The following STIM2 variants were observed in gnomAD, a reference collection of about 807,000 sequenced individuals.
STIM2 encodes stromal interaction molecule 2.
STIM2 carries 31 observed loss-of-function variants against 85.8 expected under a neutral mutation model. The observed-to-expected ratio is 0.36, with a 90% confidence interval of 0.27 to 0.49. The LOEUF (loss-of-function observed/expected upper bound fraction) is 0.49. STIM2 is among the 20% of genes least tolerant of loss of function. The pLI is 0.98. For synonymous variants in STIM2, 356 were observed against 331.1 expected, an observed-to-expected ratio of 1.08 and a Z score of -0.82; for missense variants, 841 against 927.6, an observed-to-expected ratio of 0.91 and a Z score of 1.21.
At chr4:26,894,391 TTC>T (rs1389128394) in intron 1 of STIM2, among the ~76,000 whole-genome samples, 1 of 152,218 alleles carries the variant, frequency 6.6e-6, no homozygotes. Flanking sequence ...TCCTTTTCTA[TTC>T]TGTCTTTTAT....
At chr4:26,971,189 A>G (rs1318026256) in intron 3 of STIM2, among the ~76,000 whole-genome samples, 1 of 152,086 alleles carries the variant, frequency 6.6e-6, no homozygotes, top group African/African-American at 2.4e-5. Flanking sequence ...CTCATTTTGT[A>G]GGTTACCTGT....
intron 4 of STIM2, among the ~76,000 whole-genome samples, chr4:26,998,399 T>C (rs1728033103): frequency 6.6e-6 from 1 of 152,194 alleles, no homozygotes; most frequent in African/African-American, 2.4e-5. Flanking sequence ...TATTTCCCAC[T>C]TGTGACTTCA....
At chr4:26,902,161 T>A (rs1723947904) in intron 1 of STIM2, among the ~76,000 whole-genome samples, 1 of 152,090 alleles carries the variant, frequency 6.6e-6, no homozygotes, top group South Asian at 2.1e-4. Flanking sequence ...CAATGTAGCG[T>A]GGTGGTGCTA....
At chr4:26,917,928 A>C (rs1724647419) in intron 1 of STIM2, among the ~76,000 whole-genome samples, 1 of 152,166 alleles carries the variant, frequency 6.6e-6, no homozygotes, top group Non-Finnish European at 1.5e-5. Context: ...ACTTACGGGC[A>C]CATCAGGGTC....
chr4:27,008,211 A>G (rs906010802), intron 8 of STIM2, among the ~76,000 whole-genome samples: 1 of 152,196 alleles, frequency 6.6e-6, no homozygotes, highest in Non-Finnish European at 1.5e-5. Flanking sequence ...ATTCTCCAGA[A>G]TAAAGTTTTG....
In STIM2 at chr4:26,995,387, T is replaced by C; in HGVS notation, c.406T>C (p.Trp136Arg). The C allele has an allele frequency of 6.4e-7, 1 of 1,573,134 alleles. No individual in the cohort carries two copies. Among genetic ancestry groups the C allele is most frequent in the East Asian group, 2.4e-5 (1 of 42,304 alleles). Reference sequence around the variant, plus strand: ...CCTTTTATCTCCTGCAGTTCATAATTGGACCCTTGAAGACACTCTTCAGTG... The same window carrying C: ...CCTTTTATCTCCTGCAGTTCATAATCGGACCCTTGAAGACACTCTTCAGTG... Residue 136 changes from tryptophan (W) to arginine (R), a missense_variant, in exon 4 of 12, where the codon TGG becomes CGG. This residue lies in a region of STIM2 where 408 missense variants were observed against 525.4 expected (regional missense o/e 0.78). Coordinates refer to ENST00000467087, the MANE Select transcript of STIM2 (RefSeq NM_020860.4).
intron 1 of STIM2, chr4:26,873,666 A>G (rs1722711392): frequency 2.9e-6 from 2 of 698,876 alleles, no homozygotes; most frequent in Admixed American, 1.9e-5. Context: ...CGCTCATGTC[A>G]CCACTCTCTT....
chr4:27,017,779 G>T lies in STIM2; in HGVS notation c.1558G>T (p.Val520Leu). The T allele has an allele frequency of 1.2e-6, 2 of 1,614,082 alleles. No homozygotes were observed. Among genetic ancestry groups the T allele is most frequent in the Non-Finnish European group, 1.7e-6 (2 of 1,180,020 alleles). The change falls in exon 11 of 12, where the codon GTG becomes TTG. Residue 520 changes from valine to leucine, a missense_variant. Physicochemically the swap from Val to Leu is conservative, Grantham distance 32. Coordinates refer to ENST00000467087, the MANE Select transcript of STIM2 (RefSeq NM_020860.4). ...CCTGTGCCGTTCACGCCGCAGCATT[G>T]TGCCGTCCTCGCCTCAGCCTCAGCG...
At chr4:26,862,124 C>CT (rs971322119) in intron 1 of STIM2, among the ~76,000 whole-genome samples, 43 of 151,948 alleles carry the variant, frequency 2.8e-4, no homozygotes, top group African/African-American at 7.2e-4. Flanking sequence ...GCACTAGCAC[C>CT]TTTTTTTTAA....
rs1728446364 is a variant in STIM2 at position 27,008,483 on chromosome 4, A to G, written c.1205A>G (p.His402Arg). 1.2e-6 allele frequency: 2 copies of G among 1,605,020 alleles called. No homozygotes were observed. Among genetic ancestry groups the G allele is most frequent in the East Asian group, 4.5e-5 (2 of 44,518 alleles). ...GTCTTTGGGACTCTGCACGTTGCAC[A>G]CAGCTCCTCCCTAGATGAGGTAGAC... The change falls in exon 9 of 12, where the codon CAC (histidine) becomes CGC (arginine). Residue 402 changes from histidine (H) to arginine (R), a missense_variant. Around this residue, in one of 3 missense-constraint regions of STIM2, gnomAD observed 408 missense variants for 525.4 expected, o/e 0.78. Transcript: ENST00000467087.
At chr4:26,986,735 C>CT (rs1348722436) in intron 3 of STIM2, among the ~76,000 whole-genome samples, 4 of 152,192 alleles carry the variant, frequency 2.6e-5, no homozygotes, top group African/African-American at 7.2e-5. Context: ...ACCAGTGCTG[C>CT]TTTAAAGTGA....
intron 2 of STIM2, among the ~76,000 whole-genome samples, chr4:26,957,039 T>C (rs1384176253): frequency 6.6e-6 from 1 of 152,118 alleles, no homozygotes; most frequent in Non-Finnish European, 1.5e-5. Context: ...GGACTCCCTC[T>C]TCCCCTGCGG....
At chr4:26,884,583 T>A (rs1723139553) in intron 1 of STIM2, among the ~76,000 whole-genome samples, 2 of 152,236 alleles carry the variant, frequency 1.3e-5, no homozygotes, top group South Asian at 4.1e-4. Context: ...GGAAATTGTG[T>A]CGTTGTATAG....
chr4:26,938,429 T>C lies in STIM2; in HGVS notation c.282+18795T>C, dbSNP rs563350780. Reference sequence around the variant, plus strand: ...ATAATACTGTATCATATATTTGAACTTTGCTAGGAGAGTAGATCTTTTGTG... The same window carrying C: ...ATAATACTGTATCATATATTTGAACCTTGCTAGGAGAGTAGATCTTTTGTG... On this transcript the variant is annotated intron_variant, in intron 2 of 11. Coordinates refer to ENST00000467087, the MANE Select transcript of STIM2 (RefSeq NM_020860.4). Among the ~76,000 whole-genome samples the C allele has an allele frequency of 1.9e-3, 290 of 152,312 alleles. 1 individual carries two copies. Among genetic ancestry groups the C allele is most frequent in the Non-Finnish European group, 3.3e-3 (224 of 68,022 alleles).
At chr4:26,923,066 C>T (rs1251643161) in intron 2 of STIM2, among the ~76,000 whole-genome samples, 52 of 151,310 alleles carry the variant, frequency 3.4e-4, no homozygotes. Flanking sequence ...GGGTCCCTGA[C>T]CCCTGACCCC....
chr4:26,878,091 T>C (rs1026960687), intron 1 of STIM2, among the ~76,000 whole-genome samples: 1 of 152,228 alleles, frequency 6.6e-6, no homozygotes, highest in Non-Finnish European at 1.5e-5. Context: ...TATTCTGTTA[T>C]GGCTGCACAA....
chr4:26,970,060 A>T (rs1236399682), intron 3 of STIM2, among the ~76,000 whole-genome samples: 1 of 150,918 alleles, frequency 6.6e-6, no homozygotes, highest in Non-Finnish European at 1.5e-5. Context: ...TTTCCAAAAT[A>T]AAAAAAATGA....
intron 1 of STIM2, among the ~76,000 whole-genome samples, chr4:26,869,299 CA>C (rs71186495): frequency 0.49 from 41,925 of 86,012 alleles, 5,848 homozygotes; most frequent in Middle Eastern, 0.64. Flanking sequence ...ACCCTGTCTC[CA>C]AAAAAAAAAA....
chr4:26,902,327 GA>G (rs1723954423), intron 1 of STIM2, among the ~76,000 whole-genome samples: 1 of 152,156 alleles, frequency 6.6e-6, no homozygotes, highest in African/African-American at 2.4e-5. Flanking sequence ...CACGCTGTCA[GA>G]AATAGTAAGA....
Sources: gnomAD v4.1 joint callset for allele counts (sites outside exome capture counted in the v4.1 genomes callset) on GRCh38, gnomAD v4.1.1 for gene constraint, gnomAD v4.1.1 regional missense constraint, MANE v1.5 for transcripts, NCBI Gene and HGNC (gene_info 2026-07-23, HGNC 2026-07-21) for gene names.